The following MARCO variants were observed in gnomAD, a reference collection of about 807,000 sequenced individuals.
MARCO encodes macrophage receptor MARCO.
A neutral mutation model predicts 70.0 loss-of-function variants in MARCO; 72 were observed. That is an observed-to-expected ratio of 1.03 (90% confidence interval 0.85 to 1.25). The LOEUF is 1.25. Among genes scored for constraint, MARCO ranks in the 50% most tolerant of loss-of-function variants. The pLI is 0.00. For synonymous variants in MARCO, 273 were observed against 243.1 expected (o/e 1.12, Z -1.14); for missense variants, 696 against 659.3 (o/e 1.06, Z -0.61).
At chr2:118,951,844 T>G in intron 1 of MARCO, among the ~76,000 whole-genome samples, 1 of 152,120 alleles carries the variant, frequency 6.6e-6, no homozygotes, top group African/African-American at 2.4e-5. Context: ...CCTCTTTATC[T>G]CTCTGTCTCT....
At chr2:118,978,309 C>G (rs151210200) in intron 8 of MARCO, among the ~76,000 whole-genome samples, 1 of 152,302 alleles carries the variant, frequency 6.6e-6, no homozygotes, top group Non-Finnish European at 1.5e-5. Flanking sequence ...CAGAATCCCC[C>G]ATTGACTGAG....
rs535165157 is a variant in MARCO at position 118,945,036 on chromosome 2, G to A, written c.97+2639G>A. On this transcript the variant is annotated intron_variant, in intron 1 of 16. Coordinates refer to ENST00000327097, the MANE Select transcript of MARCO (RefSeq NM_006770.4). Reference sequence around the variant, plus strand: ...TGATGATTTGATATATGTATCCATGGATGAATAACCACCACAAAGACTGCT... The same window carrying A: ...TGATGATTTGATATATGTATCCATGAATGAATAACCACCACAAAGACTGCT... 4 of 152,136 alleles carry A rather than the reference G, an allele frequency of 2.6e-5. 1 individual carries two copies. The East Asian group carries it at 5.8e-4, about 22-fold the overall frequency. 9.4% of individuals were successfully genotyped at this position (152,136 alleles called of 1,614,324 possible).
intron 1 of MARCO, among the ~76,000 whole-genome samples, chr2:118,955,938 G>T (rs1679828359): frequency 6.7e-6 from 1 of 149,946 alleles, no homozygotes; most frequent in South Asian, 2.2e-4. Flanking sequence ...ACCACAACAA[G>T]AACTGCTAAA....
Position 118,963,691 on chromosome 2 carries a change from T to C in MARCO, c.98-5469T>C, listed in dbSNP as rs1335414914. ...AAACTACGTGTTAAAGTCTCAACTA[T>C]AATTGTGTATTGTCTATTTCTTTTT... is the stretch of plus-strand genomic sequence containing the variant. On this transcript the variant is annotated intron_variant, in intron 1 of 16. Coordinates refer to ENST00000327097, the MANE Select transcript of MARCO (RefSeq NM_006770.4). 2.0e-5 allele frequency among the ~76,000 whole-genome samples: 3 copies of C among 152,328 alleles called. No individual in the cohort carries two copies. The East Asian group carries it at 5.8e-4, about 29-fold the overall frequency.
chr2:118,961,452 A>T (rs1315972168), intron 1 of MARCO, among the ~76,000 whole-genome samples: 1 of 152,034 alleles, frequency 6.6e-6, no homozygotes. Context: ...TTTGATTTTC[A>T]TTTCTCTAAT....
In MARCO at chr2:118,982,157, A is replaced by G; in HGVS notation, c.903A>G (p.Gly301=). 6.2e-7 allele frequency: 1 copy of G among 1,606,428 alleles called. No individual in the cohort carries two copies. Among genetic ancestry groups the G allele is most frequent in the Non-Finnish European group, 8.5e-7 (1 of 1,174,418 alleles). The change falls in exon 11 of 17, where the codon GGA becomes GGG. Residue 301 remains glycine, a splice_region_variant and synonymous_variant. Transcript: ENST00000327097. The stretch of plus-strand genomic sequence containing the variant: ...TGGCAGTCACTACTTTCCTTTCAGG[A>G]CAACCTGGACTGCAGGGTGTTCCGG... ...AGFPGAKGDQ[G]QPGLQGVPGP...
Position 118,988,418 on chromosome 2 carries a change from G to A in MARCO, c.1064-2171G>A, listed in dbSNP as rs186699842. On this transcript the variant is annotated intron_variant, in intron 12 of 16. Transcript: ENST00000327097. ...TTCTACTTACCTGCATGTGAACAGCGTATGTCAAGACTGGTGGGGAGAAAG... is the reference window on the plus strand; with the variant it reads ...TTCTACTTACCTGCATGTGAACAGCATATGTCAAGACTGGTGGGGAGAAAG... Among the ~76,000 whole-genome samples, 563 of 152,094 alleles carry A rather than the reference G, an allele frequency of 3.7e-3. 2 individuals are homozygous for A. Among genetic ancestry groups the A allele is most frequent in the African/African-American group, 5.9e-3 (247 of 41,534 alleles).
chr2:118,959,240 C>T (rs555646740), intron 1 of MARCO, among the ~76,000 whole-genome samples: 5 of 152,170 alleles, frequency 3.3e-5, no homozygotes, highest in African/African-American at 9.6e-5. Context: ...ATCTATACAT[C>T]GGACAAAGGA....
intron 4 of MARCO, among the ~76,000 whole-genome samples, chr2:118,973,144 T>C (rs867257958): frequency 2.0e-5 from 3 of 151,614 alleles, no homozygotes; most frequent in South Asian, 4.2e-4. Flanking sequence ...ACTCTCTCCA[T>C]GTCTCTCTCT....
intron 1 of MARCO, chr2:118,952,716 A>G (rs543675461): frequency 6.6e-6 from 1 of 152,308 alleles, no homozygotes; most frequent in Non-Finnish European, 1.5e-5. Context: ...TATTCCTCGC[A>G]CCAGGTGGGT....
At chr2:118,971,191 A>G (rs1680161086) in intron 3 of MARCO, among the ~76,000 whole-genome samples, 1 of 152,036 alleles carries the variant, frequency 6.6e-6, no homozygotes, top group African/African-American at 2.4e-5. Context: ...ATTTTGACCA[A>G]TACGAAGGGG....
At chr2:118,990,048 G>A (rs780082901) in intron 12 of MARCO, among the ~76,000 whole-genome samples, 2 of 152,136 alleles carry the variant, frequency 1.3e-5, no homozygotes, top group Non-Finnish European at 2.9e-5. Flanking sequence ...CAATGACTGT[G>A]GTTATTATTT....
At chr2:118,989,688 A>G (rs1680585311) in intron 12 of MARCO, among the ~76,000 whole-genome samples, 1 of 152,176 alleles carries the variant, frequency 6.6e-6, no homozygotes, top group Non-Finnish European at 1.5e-5. Context: ...AACTGCAAGG[A>G]GGTTGACTGA....
intron 12 of MARCO, 38 bp from the exon 13 acceptor site, chr2:118,990,551 T>C (rs1680600511): frequency 6.3e-7 from 1 of 1,580,468 alleles, no homozygotes; most frequent in Admixed American, 1.7e-5. Flanking sequence ...CTAAGTTTTA[T>C]TATCTCCTCC....
At chr2:118,955,093 C>A (rs1372657721) in intron 1 of MARCO, among the ~76,000 whole-genome samples, 4 of 150,740 alleles carry the variant, frequency 2.7e-5, no homozygotes. Flanking sequence ...GGATCCAAGC[C>A]AAGAAGAAAT....
chr2:118,948,774 GT>G (rs1197511771), intron 1 of MARCO, among the ~76,000 whole-genome samples: 2 of 151,988 alleles, frequency 1.3e-5, no homozygotes, highest in Non-Finnish European at 2.9e-5. Context: ...ACTTATTATA[GT>G]TGTTGAAGAG....
intron 1 of MARCO, among the ~76,000 whole-genome samples, chr2:118,968,002 G>T (rs938727587): frequency 6.6e-6 from 1 of 152,166 alleles, no homozygotes; most frequent in African/African-American, 2.4e-5. Context: ...TGCCTGCTGT[G>T]TCACCTGCCA....
At chr2:118,987,981 G>A (rs1194955572) in intron 12 of MARCO, among the ~76,000 whole-genome samples, 1 of 152,204 alleles carries the variant, frequency 6.6e-6, no homozygotes, top group Non-Finnish European at 1.5e-5. Context: ...TTGGGAGGCT[G>A]GGCCTGGGTG....
chr2:118,981,117 A>G (rs1680379601), intron 8 of MARCO, among the ~76,000 whole-genome samples: 1 of 152,216 alleles, frequency 6.6e-6, no homozygotes, highest in Non-Finnish European at 1.5e-5. Flanking sequence ...AACAAGCCAG[A>G]CAGTGCTGGC....
Sources: gnomAD v4.1 joint callset for allele counts (sites outside exome capture counted in the v4.1 genomes callset) on GRCh38, gnomAD v4.1.1 for gene constraint, MANE v1.5 for transcripts, NCBI Gene and HGNC (gene_info 2026-07-23, HGNC 2026-07-21) for gene names.